EFHC2: variants seen among roughly 807,000 people sequenced by gnomAD.
EFHC2 encodes the protein EF-hand domain-containing family member C2.
A neutral mutation model predicts 52.7 loss-of-function variants in EFHC2; 18 were observed. That is an observed-to-expected ratio of 0.34 (90% CI 0.24 to 0.51). The LOEUF is 0.51. Among genes scored for constraint, EFHC2 ranks in the 20% least tolerant of loss-of-function variants. EFHC2 has a pLI of 0.97. For synonymous variants in EFHC2, 203 were observed against 204.1 expected (o/e 0.99, Z 0.04); for missense variants, 513 against 562.5 (o/e 0.91, Z 0.89).
chrX:44,304,081 T>C (rs893223947), intron 2 of EFHC2, among the ~76,000 whole-genome samples: 3 of 112,109 alleles, frequency 2.7e-5, no homozygotes, highest in African/African-American at 9.7e-5. Context: ...TTCTAAATAT[T>C]CCAACGTTTT....
chrX:44,335,091 T>C (rs1453636373), intron 1 of EFHC2, among the ~76,000 whole-genome samples: 2 of 110,642 alleles, frequency 1.8e-5, no homozygotes, highest in East Asian at 2.8e-4. Context: ...CTCCAAGATA[T>C]ACTGTTAAAA....
chrX:44,213,160 G>T (rs1392728339), intron 11 of EFHC2, among the ~76,000 whole-genome samples: 1 of 108,924 alleles, frequency 9.2e-6, no homozygotes, highest in Non-Finnish European at 1.9e-5. Context: ...GGAATTATCA[G>T]ACCAGGAATT....
At chrX:44,263,138 A>T (rs1430611979) in intron 3 of EFHC2, among the ~76,000 whole-genome samples, 7 of 112,434 alleles carry the variant, frequency 6.2e-5, no homozygotes, top group African/African-American at 2.3e-4. Flanking sequence ...AGGCCTGAGA[A>T]TCTACTCCAA....
At chrX:44,209,838 G>T (rs1223341136) in intron 11 of EFHC2, among the ~76,000 whole-genome samples, 2 of 109,232 alleles carry the variant, frequency 1.8e-5, no homozygotes, top group African/African-American at 6.7e-5. Flanking sequence ...AGCAACATTA[G>T]ATTATCATAG....
At chrX:44,341,534 G>T (rs929339723) in intron 1 of EFHC2, among the ~76,000 whole-genome samples, 2 of 111,841 alleles carry the variant, frequency 1.8e-5, no homozygotes, top group East Asian at 5.6e-4. Flanking sequence ...CTGCAGCCTC[G>T]ACCTCCCAGG....
chrX:44,148,981 T>G, intron 14 of EFHC2, 85 bp from the exon 15 acceptor site: 1 of 825,040 alleles, frequency 1.2e-6, no homozygotes, highest in Non-Finnish European at 1.7e-6. Flanking sequence ...ATTTGCAAAG[T>G]GAAAATTTCT....
intron 2 of EFHC2, among the ~76,000 whole-genome samples, chrX:44,282,498 C>A (rs1301354512): frequency 1.0e-5 from 1 of 97,299 alleles, no homozygotes; most frequent in Non-Finnish European, 2.1e-5. Context: ...AGCCTGTAGT[C>A]CCAGCTACTT....
chrX:44,298,225 A>G (rs1264600625), intron 2 of EFHC2, among the ~76,000 whole-genome samples: 1 of 111,811 alleles, frequency 8.9e-6, no homozygotes, highest in Non-Finnish European at 1.9e-5. Flanking sequence ...CAGAGGACTA[A>G]AAAGGACTGT....
chrX:44,258,713 C>T (rs1294043204), intron 4 of EFHC2, among the ~76,000 whole-genome samples: 1 of 109,633 alleles, frequency 9.1e-6, no homozygotes, highest in African/African-American at 3.3e-5. Context: ...AAAAATTAGC[C>T]GGGTGTGGTG....
chrX:44,281,408 A>G (rs1291018957), intron 2 of EFHC2, among the ~76,000 whole-genome samples: 1 of 112,278 alleles, frequency 8.9e-6, no homozygotes, highest in East Asian at 2.8e-4. Flanking sequence ...GATGCCCTGG[A>G]AATAGACTCT....
chrX:44,220,552 T>C (rs1433840507), intron 11 of EFHC2, among the ~76,000 whole-genome samples: 1 of 111,400 alleles, frequency 9.0e-6, no homozygotes, highest in Non-Finnish European at 1.9e-5. Context: ...ACAATAAACC[T>C]TGGTTGGTTT....
intron 1 of EFHC2, among the ~76,000 whole-genome samples, chrX:44,321,373 CA>C (rs1490160692): frequency 9.0e-6 from 1 of 110,792 alleles, no homozygotes; most frequent in Non-Finnish European, 1.9e-5. Context: ...TGTGGACTAG[CA>C]GGTGGATATG....
intron 14 of EFHC2, among the ~76,000 whole-genome samples, chrX:44,153,326 C>T (rs1031234510): frequency 1.8e-5 from 2 of 111,752 alleles, no homozygotes; most frequent in Non-Finnish European, 3.8e-5. Context: ...CCACTTTAAA[C>T]CCCATGGCTC....
intron 2 of EFHC2, among the ~76,000 whole-genome samples, chrX:44,295,590 A>G (rs776780359): frequency 9.0e-6 from 1 of 110,942 alleles, no homozygotes; most frequent in Non-Finnish European, 1.9e-5. Context: ...GCAGTTGAGA[A>G]AGGGAATTAT....
intron 11 of EFHC2, among the ~76,000 whole-genome samples, chrX:44,214,618 C>T (rs1396287531): frequency 8.9e-6 from 1 of 112,068 alleles, no homozygotes; most frequent in Non-Finnish European, 1.9e-5. Flanking sequence ...TTAAAAGAAG[C>T]TCTTCGAAGA....
intron 11 of EFHC2, among the ~76,000 whole-genome samples, chrX:44,210,919 A>G (rs2037090133): frequency 8.9e-6 from 1 of 112,406 alleles, no homozygotes; most frequent in Non-Finnish European, 1.9e-5. Flanking sequence ...TGGCAATCAT[A>G]TATCTGATAA....
At chrX:44,262,031 C>G (rs1206446464) in intron 3 of EFHC2, among the ~76,000 whole-genome samples, 1 of 111,141 alleles carries the variant, frequency 9.0e-6, no homozygotes, top group Non-Finnish European at 1.9e-5. Flanking sequence ...TACTTCCAAC[C>G]CTGATGCCCA....
chrX:44,281,174 C>T (rs143768968), intron 2 of EFHC2, among the ~76,000 whole-genome samples: 3,390 of 112,197 alleles, frequency 0.03, 59 homozygotes, highest in Middle Eastern at 0.051. Context: ...CCCGCCTCAG[C>T]CTCCCAAAGT....
At chrX:44,243,051 C>T (rs984877887) in intron 7 of EFHC2, among the ~76,000 whole-genome samples, 4 of 111,812 alleles carry the variant, frequency 3.6e-5, no homozygotes, top group African/African-American at 1.3e-4. Flanking sequence ...TATTTATATA[C>T]TTATCATCTG....
Sources: gnomAD v4.1 joint callset for allele counts (sites outside exome capture counted in the v4.1 genomes callset) on GRCh38, gnomAD v4.1.1 for gene constraint, MANE v1.5 for transcripts, NCBI Gene and HGNC (gene_info 2026-07-23, HGNC 2026-07-21) for gene names.